The following RAVER1 variants were observed in gnomAD, a reference collection of about 807,000 sequenced individuals.
RAVER1 encodes the protein ribonucleoprotein PTB-binding 1.
In RAVER1, 36 loss-of-function variants were observed where a neutral mutation model predicts 68.4. The observed-to-expected ratio is 0.53, with a 90% CI of 0.40 to 0.70. The LOEUF is 0.70. RAVER1 is among the 30% of genes least tolerant of loss of function. The probability of loss-of-function intolerance (pLI) is 0.00; values close to 1 mark genes in which losing one functional copy is unlikely to be tolerated. For synonymous variants in RAVER1, 469 were observed against 472.7 expected, an observed-to-expected ratio of 0.99 and a Z score of 0.10; for missense variants, 933 against 1,019.8, an observed-to-expected ratio of 0.91 and a Z score of 1.16.
intron 3 of RAVER1, among the ~76,000 whole-genome samples, chr19:10,324,783 G>A (rs2040463091): frequency 6.6e-6 from 1 of 152,190 alleles, no homozygotes; most frequent in African/African-American, 2.4e-5. Context: ...TGAACCTCAA[G>A]CTGCTTCACT....
At position 10,318,259 on chromosome 19, in the gene RAVER1, C is replaced by T. The variant is rs1236954706; in HGVS notation, c.1959G>A (p.Gln653=). 3 of 1,605,594 alleles carry T rather than the reference C, an allele frequency of 1.9e-6. No individual in the cohort carries two copies. The highest frequency in any genetic ancestry group is 1.1e-5 in the South Asian group (1 of 90,052). The change falls in exon 11 of 13, where the codon CAG becomes CAA. Residue 653 remains glutamine (Q), a synonymous_variant. Coordinates refer to ENST00000617231, the MANE Select transcript of RAVER1 (RefSeq NM_133452.3). The part of the protein sequence containing the change: ...SPTSYFTSGL[Q]AGLKQSHLSK... ...TGAGGTGGCTCTGCTTGAGGCCAGCCTGCAGGCCGCTGGTGAAGTAGGAAG... is the reference window on the plus strand; with the variant it reads ...TGAGGTGGCTCTGCTTGAGGCCAGCTTGCAGGCCGCTGGTGAAGTAGGAAG...
chr19:10,330,834 C>A (rs979110879), intron 1 of RAVER1, among the ~76,000 whole-genome samples: 1 of 152,046 alleles, frequency 6.6e-6, no homozygotes, highest in Non-Finnish European at 1.5e-5. Context: ...GAGGCCGAGG[C>A]GGGTGAATCA....
In RAVER1 at chr19:10,333,498, C is replaced by G. The variant is rs895925608; in HGVS notation, c.10G>C (p.Asp4His). ...GGGGGCCGGTGAGTAACGGACACGT[C>G]CGCCGCCATCTTGGGAAACCCGGCG... MAA[D>H]VSVTHRPPLS... The change falls in exon 1 of 13, where the codon GAC (aspartate) becomes CAC (histidine). Residue 4 changes from aspartate (D) to histidine (H), a missense_variant. By Grantham distance (81) the Asp-to-His change is moderately conservative. This residue lies in a region of RAVER1 where 211 missense variants were observed against 230.0 expected (regional missense o/e 0.92). Coordinates refer to ENST00000617231, the MANE Select transcript of RAVER1 (RefSeq NM_133452.3). This position sits in a 1 kb window ranked among gnomAD's most constrained non-coding sequence, Gnocchi z 4.2. 1 of 1,599,282 alleles carries G rather than the reference C, an allele frequency of 6.3e-7. No homozygotes were observed. Among genetic ancestry groups the G allele is most frequent in the Admixed American group, 1.7e-5 (1 of 59,446 alleles).
chr19:10,319,217 G>A lies in RAVER1; in HGVS notation c.1794C>T (p.Phe598=). 6.2e-7 allele frequency: 1 copy of A among 1,613,844 alleles called. No individual in the cohort carries two copies. The highest frequency in any genetic ancestry group is 8.5e-7 in the Non-Finnish European group (1 of 1,179,764). ...CAAGGGCTGGTTCCCGTGGGTGGGA[G>A]AAGAGCCGCCGAGGTCCCATGTCCT... ...YPSDMGPRRL[F]SHPREPALGP... The change falls in exon 10 of 13, where the codon TTC becomes TTT. Residue 598 remains phenylalanine (F), a synonymous_variant. Coordinates refer to ENST00000617231, the MANE Select transcript of RAVER1 (RefSeq NM_133452.3).
chr19:10,329,125 AG>A lies in RAVER1; in HGVS notation c.287-15del. ...GGGTCACGAAGGCTGCGGTGGGAGG[AG>A]GGCAGTGCGAGGTCAGCCGGGCCCT... On this transcript the variant is annotated splice_polypyrimidine_tract_variant and intron_variant, in intron 2 of 12. Transcript: ENST00000617231. This position sits in a 1 kb window ranked among gnomAD's most constrained non-coding sequence, Gnocchi z 4.6. The A allele has an allele frequency of 6.9e-7, 1 of 1,440,258 alleles. No homozygotes were observed. The highest frequency in any genetic ancestry group is 9.2e-7 in the Non-Finnish European group (1 of 1,087,390). The allele number at this position is 1,440,258 out of a possible 1,614,324, so 89.2% of individuals were successfully genotyped here. A position where few individuals can be genotyped will look rare whatever the true frequency, so the allele number is the denominator to read the frequency against.
rs1358923587 is a variant in RAVER1, at chr19:10,322,049, T to G, written c.1174-431A>C. 1 of 161,946 alleles carries G rather than the reference T, an allele frequency of 6.2e-6. No homozygotes were observed. Among genetic ancestry groups the G allele is most frequent in the East Asian group, 1.8e-4 (1 of 5,606 alleles). The allele number at this position is 161,946 out of a possible 1,614,324, so 10.0% of individuals were successfully genotyped here. A position where few individuals can be genotyped will look rare whatever the true frequency, so the allele number is the denominator to read the frequency against. On this transcript the variant is annotated intron_variant, in intron 6 of 12. Transcript: ENST00000617231. This position sits in a 1 kb window ranked among gnomAD's most constrained non-coding sequence, Gnocchi z 4.3. ...ATGTCTATGTGTGTGTGTGTCTGTG[T>G]GTGTGTGTGCGTGTATATCTGTGTC... is the stretch of plus-strand genomic sequence containing the variant.
At position 10,323,327 on chromosome 19, in the gene RAVER1, C is replaced by T. The variant is rs369418744; in HGVS notation, c.948+48G>A. On this transcript the variant is annotated intron_variant, in intron 4 of 12. Coordinates refer to ENST00000617231, the MANE Select transcript of RAVER1 (RefSeq NM_133452.3). The surrounding 1 kb of genome is among the most constrained non-coding windows in gnomAD (Gnocchi z 6.2). The stretch of plus-strand genomic sequence containing the variant: ...AGTGCCGCTGGGGCCCTGACATCCC[C>T]ATGGGGCTCCCATCCCCACCCCGCC... The T allele has an allele frequency of 1.9e-4, 300 of 1,610,300 alleles. No homozygotes were observed. Among genetic ancestry groups the T allele is most frequent in the Non-Finnish European group, 2.2e-4 (265 of 1,178,392 alleles).
At chr19:10,319,334 G>GC in intron 9 of RAVER1, 94 bp from the exon 10 acceptor site, 1 of 1,278,372 alleles carries the variant, frequency 7.8e-7, no homozygotes, top group Non-Finnish European at 1.1e-6. Context: ...AGGGAAGACA[G>GC]TCCCCACCAC....
At chr19:10,325,465 G>A (rs911852960) in intron 3 of RAVER1, among the ~76,000 whole-genome samples, 3 of 151,986 alleles carry the variant, frequency 2.0e-5, no homozygotes, top group Admixed American at 6.6e-5. Context: ...TCCAGACCTC[G>A]TGATGCACCC....
rs1599300496 is a variant in RAVER1 at position 10,322,231 on chromosome 19, C to T, written c.1173+414G>A. The stretch of plus-strand genomic sequence containing the variant: ...ATGTATACCTGTGTTTCTAGGTGTG[C>T]GTGTGTGTGTGTGCACACACTGAGG... On this transcript the variant is annotated intron_variant, in intron 6 of 12. Coordinates refer to ENST00000617231, the MANE Select transcript of RAVER1 (RefSeq NM_133452.3). This position sits in a 1 kb window ranked among gnomAD's most constrained non-coding sequence, Gnocchi z 4.3. 3 of 200,544 alleles carry T rather than the reference C, an allele frequency of 1.5e-5. No individual in the cohort carries two copies. The highest frequency in any genetic ancestry group is 3.0e-5 in the Non-Finnish European group (3 of 100,450). The allele number at this position is 200,544 out of a possible 1,614,324, so 12.4% of individuals were successfully genotyped here. A position where few individuals can be genotyped will look rare whatever the true frequency, so the allele number is the denominator to read the frequency against.
intron 1 of RAVER1, among the ~76,000 whole-genome samples, 169 bp from the exon 2 acceptor site, chr19:10,330,695 C>T (rs1394139569): frequency 6.6e-6 from 1 of 152,218 alleles, no homozygotes; most frequent in African/African-American, 2.4e-5. Flanking sequence ...TCATTCTGCT[C>T]ATACCTGGCA....
intron 1 of RAVER1, among the ~76,000 whole-genome samples, chr19:10,331,094 A>C (rs948264939): frequency 5.3e-5 from 8 of 151,458 alleles, no homozygotes; most frequent in Non-Finnish European, 1.2e-4. Flanking sequence ...TCACGCCTGT[A>C]ATCCCAGCAC....
chr19:10,321,809 G>A, intron 6 of RAVER1, 191 bp from the exon 7 acceptor site: 1 of 399,878 alleles, frequency 2.5e-6, no homozygotes, highest in Non-Finnish European at 4.4e-6. Context: ...GGTGACCGAG[G>A]GTCTCCTGAG....
chr19:10,319,300 G>A, intron 9 of RAVER1, 60 bp from the exon 10 acceptor site: 1 of 1,525,016 alleles, frequency 6.6e-7, no homozygotes, highest in Non-Finnish European at 9.1e-7. Context: ...ACCCCTGGCT[G>A]AACTCCATGG....
rs1237566141 is a variant in RAVER1 at position 10,329,657 on chromosome 19, G to A, written c.287-546C>T. Among the ~76,000 whole-genome samples the A allele has an allele frequency of 6.6e-6, 1 of 151,724 alleles. No individual in the cohort carries two copies. Among genetic ancestry groups the A allele is most frequent in the African/African-American group, 2.4e-5 (1 of 41,392 alleles). ...CTGCCCACCCCTGCCACCTTTCCAG[G>A]CCACCAGTGCCCCTGAACCCTGCTG... On this transcript the variant is annotated intron_variant, in intron 2 of 12. Transcript: ENST00000617231. This position sits in a 1 kb window ranked among gnomAD's most constrained non-coding sequence, Gnocchi z 4.6.
intron 3 of RAVER1, among the ~76,000 whole-genome samples, chr19:10,327,588 G>A (rs926500639): frequency 1.3e-5 from 2 of 152,190 alleles, no homozygotes; most frequent in African/African-American, 4.8e-5. Flanking sequence ...ACTGGCCTCC[G>A]CTCACTGGCC....
intron 1 of RAVER1, among the ~76,000 whole-genome samples, chr19:10,331,393 C>CAAACA (rs2040516815): frequency 2.1e-5 from 1 of 48,514 alleles, no homozygotes; most frequent in African/African-American, 9.3e-5. Flanking sequence ...ATAACAACAA[C>CAAACA]AAAAAAAAAA....
intron 1 of RAVER1, among the ~76,000 whole-genome samples, chr19:10,332,697 C>T (rs1383507619): frequency 6.6e-6 from 1 of 152,200 alleles, no homozygotes; most frequent in African/African-American, 2.4e-5. Context: ...CCACGAGGGG[C>T]TCCATAGAAC....
Position 10,316,312 on chromosome 19 carries a change from A to C in RAVER1, c.*1142T>G. 1 of 1,171,046 alleles carries C rather than the reference A, an allele frequency of 8.5e-7. No individual in the cohort carries two copies. Among genetic ancestry groups the C allele is most frequent in the African/African-American group, 1.6e-5 (1 of 60,848 alleles). 72.5% of individuals were successfully genotyped at this position (1,171,046 alleles called of 1,614,324 possible). A position where few individuals can be genotyped will look rare whatever the true frequency, so the allele number is the denominator to read the frequency against. On this transcript the variant is annotated 3_prime_UTR_variant, in exon 13 of 13. Transcript: ENST00000617231. ...AATAGTCCCCTTGGAGTGGATGTGG[A>C]CCCCCAGAGTCAAGGGAGGGAAGCT...
Sources: gnomAD v4.1 joint callset for allele counts (sites outside exome capture counted in the v4.1 genomes callset) on GRCh38, gnomAD v4.1.1 for gene constraint, gnomAD v4.1.1 regional missense constraint, Gnocchi (gnomAD v3.1) non-coding constraint, MANE v1.5 for transcripts, NCBI Gene and HGNC (gene_info 2026-07-23, HGNC 2026-07-21) for gene names.